Variants in QRICH1 observed in about 807,000 individuals in gnomAD.
QRICH1 encodes transcriptional regulator QRICH1.
In QRICH1, 16 loss-of-function variants were observed where a neutral mutation model predicts 87.1. That is an observed-to-expected ratio of 0.18 (90% CI 0.12 to 0.28). The LOEUF (loss-of-function observed/expected upper bound fraction) is 0.28, where lower values mean the gene tolerates loss of function less well. Ranked by LOEUF, QRICH1 falls within the 10% of genes least tolerant of loss-of-function variation. QRICH1 has a pLI of 1.00. For synonymous variants in QRICH1, 367 were observed against 368.4 expected (o/e 1.00, Z 0.05); for missense variants, 647 against 951.7 (o/e 0.68, Z 4.21).
At chr3:49,038,932 C>A (rs2093292992) in intron 6 of QRICH1, among the ~76,000 whole-genome samples, 1 of 152,096 alleles carries the variant, frequency 6.6e-6, no homozygotes, top group Non-Finnish European at 1.5e-5. Flanking sequence ...GAGGCTGAGG[C>A]AGAAGAACTG....
chr3:49,085,695 T>C (rs979563741), intron 1 of QRICH1, among the ~76,000 whole-genome samples: 11 of 150,306 alleles, frequency 7.3e-5, no homozygotes, highest in Non-Finnish European at 1.6e-4. Context: ...GAGGTGGAGG[T>C]TGCAGTGAGC....
Position 49,057,207 on chromosome 3 carries a change from G to A in QRICH1, c.993C>T (p.Ala331=). Residue 331 remains alanine, a synonymous_variant, in exon 3 of 10, where the codon GCC becomes GCT. Coordinates refer to ENST00000395443, the MANE Select transcript of QRICH1 (RefSeq NM_198880.3). The surrounding 1 kb of genome is among the most constrained non-coding windows in gnomAD (Gnocchi z 5.4). ...DPQQQSITHI[A]IPQEAYNAVH... is the part of the protein sequence containing the mutation. ...CTGCGTTGTAGGCTTCCTGGGGAATGGCAATGTGGGTAATGCTCTGCTGCT... is the reference window on the plus strand; with the variant it reads ...CTGCGTTGTAGGCTTCCTGGGGAATAGCAATGTGGGTAATGCTCTGCTGCT... 5 of 1,614,220 alleles carry A rather than the reference G, an allele frequency of 3.1e-6. No individual in the cohort carries two copies. The South Asian group carries it at 5.5e-5, about 18-fold the overall frequency.
intron 5 of QRICH1, among the ~76,000 whole-genome samples, chr3:49,045,174 T>A (rs539803571): frequency 6.6e-6 from 1 of 152,308 alleles, no homozygotes; most frequent in African/African-American, 2.4e-5. Context: ...TGGTATATTA[T>A]TCTAGCTAGA....
chr3:49,033,355 T>G lies in QRICH1; in HGVS notation c.1787-127A>C, dbSNP rs537635452. 21 of 497,832 alleles carry G rather than the reference T, an allele frequency of 4.2e-5. 1 individual carries two copies. The South Asian group carries it at 1.4e-3, about 33-fold the overall frequency. The allele number at this position is 497,832 out of a possible 1,614,324, so 30.8% of individuals were successfully genotyped here. ...TTTCATCAGGGGACTCTCCCTAAAGTGTGGCAAAAATCATCTGGAAAGCTT... is the reference window on the plus strand; with the variant it reads ...TTTCATCAGGGGACTCTCCCTAAAGGGTGGCAAAAATCATCTGGAAAGCTT... On this transcript the variant is annotated intron_variant, in intron 6 of 9. Coordinates refer to ENST00000395443, the MANE Select transcript of QRICH1 (RefSeq NM_198880.3).
At chr3:49,041,897 G>A (rs2093312440) in intron 6 of QRICH1, among the ~76,000 whole-genome samples, 3 of 151,600 alleles carry the variant, frequency 2.0e-5, no homozygotes, top group African/African-American at 7.3e-5. Context: ...CAAAGCTCTG[G>A]GATTATCTGG....
intron 6 of QRICH1, among the ~76,000 whole-genome samples, chr3:49,034,079 TTTATTATTATTA>T (rs10691654): frequency 2.7e-5 from 4 of 147,182 alleles, no homozygotes; most frequent in Non-Finnish European, 4.5e-5. Context: ...TTTGGGGGAT[TTTATTATTATTA>T]TTATTATTAT....
At chr3:49,032,580 C>A (rs1331109806) in intron 8 of QRICH1, 42 bp downstream of exon 8, 2 of 1,530,372 alleles carry the variant, frequency 1.3e-6, no homozygotes, top group African/African-American at 1.4e-5. Flanking sequence ...CAGGGCAGGA[C>A]AAGTAGCACC....
chr3:49,081,711 C>T (rs2042063990), intron 1 of QRICH1, among the ~76,000 whole-genome samples: 2 of 152,178 alleles, frequency 1.3e-5, no homozygotes, highest in South Asian at 2.1e-4. Context: ...ATGTTGCCCA[C>T]GCTGTTCTCA....
intron 2 of QRICH1, among the ~76,000 whole-genome samples, chr3:49,073,682 T>C (rs925953423): frequency 3.3e-5 from 5 of 152,144 alleles, no homozygotes; most frequent in African/African-American, 1.2e-4. Flanking sequence ...GATCTCACTC[T>C]GTCACCCAGG....
chr3:49,029,876 G>T lies in QRICH1; in HGVS notation c.*576C>A. 1 of 167,262 alleles carries T rather than the reference G, an allele frequency of 6.0e-6. No homozygotes were observed. Among genetic ancestry groups the T allele is most frequent in the Non-Finnish European group, 1.3e-5 (1 of 76,648 alleles). The allele number at this position is 167,262 out of a possible 1,614,324, so 10.4% of individuals were successfully genotyped here. ...TGTTAGGCCAACAAAAAAAAAAAAG[G>T]CATGGTAAAGTTTTTACTTTTACAT... On this transcript the variant is annotated 3_prime_UTR_variant, in exon 10 of 10. Coordinates refer to ENST00000395443, the MANE Select transcript of QRICH1 (RefSeq NM_198880.3).
In QRICH1 at chr3:49,030,475, C is replaced by T; in HGVS notation, c.2308G>A (p.Ala770Thr). Residue 770 changes from alanine to threonine, a missense_variant, in exon 10 of 10, where the codon GCC (alanine) becomes ACC (threonine). Ala to Thr is a moderately conservative substitution (Grantham distance 58). Transcript: ENST00000395443. ...TCTCAGTGCATAGTGCTTGCATTGG[C>T]CACTGCGATGGCCTCCTGAATTTCT... The part of the protein sequence containing the change: ...IREIQEAIAV[A>T]NASTMH 4 of 1,613,570 alleles carry T rather than the reference C, an allele frequency of 2.5e-6. No individual in the cohort carries two copies. Among genetic ancestry groups the T allele is most frequent in the Non-Finnish European group, 3.4e-6 (4 of 1,180,016 alleles).
At chr3:49,045,921 T>C (rs946117529) in intron 5 of QRICH1, among the ~76,000 whole-genome samples, 19 of 151,740 alleles carry the variant, frequency 1.3e-4, no homozygotes, top group African/African-American at 2.9e-4. Context: ...CTTTTCTTTT[T>C]TTTTTAATTT....
chr3:49,059,860 T>C (rs1050702537), intron 2 of QRICH1, among the ~76,000 whole-genome samples: 3 of 151,146 alleles, frequency 2.0e-5, no homozygotes, highest in Non-Finnish European at 4.4e-5. Flanking sequence ...TGGGATTACA[T>C]GTGCCTGCCA....
At chr3:49,032,944 G>C (rs559217687) in intron 7 of QRICH1, 171 bp from the exon 8 acceptor site, 1 of 950,300 alleles carries the variant, frequency 1.1e-6, no homozygotes, top group Non-Finnish European at 1.5e-6. Context: ...GGATGGTAGG[G>C]GTCTGGCAAG....
chr3:49,034,716 A>G (rs552668592), intron 6 of QRICH1, among the ~76,000 whole-genome samples: 113 of 152,324 alleles, frequency 7.4e-4, no homozygotes, highest in African/African-American at 2.6e-3. Context: ...GGCAAAGGTC[A>G]ATAATTTGAA....
chr3:49,079,434 T>C (rs2042014895), intron 1 of QRICH1, among the ~76,000 whole-genome samples: 1 of 147,824 alleles, frequency 6.8e-6, no homozygotes, highest in Non-Finnish European at 1.5e-5. Flanking sequence ...AATAAAATAT[T>C]ATAATAATTA....
chr3:49,052,508 TTTTG>T (rs749464825), intron 3 of QRICH1, among the ~76,000 whole-genome samples: 13 of 152,112 alleles, frequency 8.5e-5, no homozygotes, highest in African/African-American at 1.7e-4. Context: ...TCTGCCCCTT[TTTTG>T]TTTGTTTGTT....
rs1575319806 is a variant in QRICH1 at position 49,033,273 on chromosome 3, T to G, written c.1787-45A>C. The G allele has an allele frequency of 6.2e-6, 8 of 1,287,468 alleles. No individual in the cohort carries two copies. In the South Asian group the frequency reaches 6.7e-5, roughly 11 times the overall value. The allele number at this position is 1,287,468 out of a possible 1,614,324, so 79.8% of individuals were successfully genotyped here. ...GTCACAACAAGAGGATGGCAGGTGG[T>G]CTCTCAAAGGTACAATATGGGATGT... On this transcript the variant is annotated intron_variant, in intron 6 of 9. Coordinates refer to ENST00000395443, the MANE Select transcript of QRICH1 (RefSeq NM_198880.3).
intron 1 of QRICH1, among the ~76,000 whole-genome samples, chr3:49,086,087 G>C (rs1014184074): frequency 2.0e-5 from 3 of 151,280 alleles, no homozygotes; most frequent in Non-Finnish European, 4.4e-5. Context: ...TATGAGGTCT[G>C]TAAACAAGCA....
Sources: gnomAD v4.1 joint callset for allele counts (sites outside exome capture counted in the v4.1 genomes callset) on GRCh38, gnomAD v4.1.1 for gene constraint, Gnocchi (gnomAD v3.1) non-coding constraint, MANE v1.5 for transcripts, NCBI Gene and HGNC (gene_info 2026-07-23, HGNC 2026-07-21) for gene names.